The following REG4 variants were observed in gnomAD, a reference collection of about 807,000 sequenced individuals.
REG4 encodes the protein regenerating islet-derived protein 4.
In REG4, 16 loss-of-function variants were observed where a neutral mutation model predicts 22.3. That is an observed-to-expected ratio of 0.72 (90% CI 0.49 to 1.09). The LOEUF is 1.09. REG4 is among the 50% of genes least tolerant of loss of function. The probability of loss-of-function intolerance (pLI) is 0.00; values close to 1 mark genes in which losing one functional copy is unlikely to be tolerated. For missense variants in REG4, 214 were observed against 193.9 expected, an observed-to-expected ratio of 1.10 and a Z score of -0.61; for synonymous variants, 71 against 69.2, an observed-to-expected ratio of 1.03 and a Z score of -0.13.
At chr1:119,810,777 G>T (rs587741410) in intron 1 of REG4, among the ~76,000 whole-genome samples, 1 of 152,226 alleles carries the variant, frequency 6.6e-6, no homozygotes, top group Non-Finnish European at 1.5e-5. Flanking sequence ...ACTGGGCCGG[G>T]TGTGGTGGCT....
chr1:119,799,655 G>T, intron 4 of REG4, 70 bp downstream of exon 4: 1 of 1,572,670 alleles, frequency 6.4e-7, no homozygotes, highest in African/African-American at 1.3e-5. Flanking sequence ...AGGCCGGGAG[G>T]CCATTCCCCA....
chr1:119,802,914 A>G, intron 3 of REG4, 154 bp downstream of exon 3: 2 of 1,557,376 alleles, frequency 1.3e-6, no homozygotes, highest in Non-Finnish European at 1.7e-6. Context: ...AATGAGTTGA[A>G]CACACAACCC....
chr1:119,794,616 C>T lies in REG4; in HGVS notation c.*2G>A. 6 of 1,613,630 alleles carry T rather than the reference C, an allele frequency of 3.7e-6. No homozygotes were observed. Among genetic ancestry groups the T allele is most frequent in the Non-Finnish European group, 5.1e-6 (6 of 1,179,536 alleles). ...GGAGTTAGCAGAATCTTGATTCTTGCTCTATGGTCGGTACTTGCACAGGAA... is the reference window on the plus strand; with the variant it reads ...GGAGTTAGCAGAATCTTGATTCTTGTTCTATGGTCGGTACTTGCACAGGAA... On this transcript the variant is annotated 3_prime_UTR_variant, in exon 6 of 6. Transcript: ENST00000256585.
chr1:119,805,498 C>T (rs1391136851), intron 2 of REG4, among the ~76,000 whole-genome samples: 3 of 152,116 alleles, frequency 2.0e-5, no homozygotes, highest in Non-Finnish European at 2.9e-5. Flanking sequence ...GTCTTTGTTT[C>T]CCCTGGATCC....
At chr1:119,795,624 G>C (rs587688259) in intron 5 of REG4, among the ~76,000 whole-genome samples, 1 of 152,220 alleles carries the variant, frequency 6.6e-6, no homozygotes, top group Admixed American at 6.5e-5. Flanking sequence ...GCCCTGACCT[G>C]CAGATCTGGC....
chr1:119,795,959 A>G (rs1323573470), intron 5 of REG4, among the ~76,000 whole-genome samples: 1 of 152,242 alleles, frequency 6.6e-6, no homozygotes, highest in Non-Finnish European at 1.5e-5. Context: ...AATCAAGCAC[A>G]GCCCAGCTCA....
chr1:119,797,977 C>T (rs368966685), intron 5 of REG4, among the ~76,000 whole-genome samples: 2 of 152,294 alleles, frequency 1.3e-5, no homozygotes, highest in Admixed American at 6.5e-5. Context: ...AGAAGGCTCA[C>T]GCGAGTGTGT....
At position 119,794,554 on chromosome 1, in the gene REG4, GC is replaced by G. The variant is rs1653874819; in HGVS notation, c.*63del. 3 of 1,425,874 alleles carry G rather than the reference GC, an allele frequency of 2.1e-6. No homozygotes were observed. The Admixed American group carries it at 5.0e-5, about 24-fold the overall frequency. The allele number at this position is 1,425,874 out of a possible 1,614,324, so 88.3% of individuals were successfully genotyped here. A position where few individuals can be genotyped will look rare whatever the true frequency, so the allele number is the denominator to read the frequency against. ...CCCTCTGAAATAATGAGCAGATTTA[GC>G]CAGGCTAGCAGAAAGGAAGAGGACG... On this transcript the variant is annotated 3_prime_UTR_variant, in exon 6 of 6. Coordinates refer to ENST00000256585, the MANE Select transcript of REG4 (RefSeq NM_032044.4).
intron 2 of REG4, among the ~76,000 whole-genome samples, chr1:119,805,911 A>G (rs1360462319): frequency 6.6e-6 from 1 of 151,738 alleles, no homozygotes; most frequent in East Asian, 1.9e-4. Flanking sequence ...GCTCCTAGAT[A>G]TGCAACCAAC....
At chr1:119,810,562 C>T (rs587619359) in intron 1 of REG4, among the ~76,000 whole-genome samples, 1 of 152,152 alleles carries the variant, frequency 6.6e-6, no homozygotes, top group Non-Finnish European at 1.5e-5. Flanking sequence ...ATTGCGTGAA[C>T]CTTGCACTTT....
At chr1:119,805,298 T>G (rs941388310) in intron 2 of REG4, among the ~76,000 whole-genome samples, 1 of 152,122 alleles carries the variant, frequency 6.6e-6, no homozygotes, top group Non-Finnish European at 1.5e-5. Context: ...AAACATGCCT[T>G]CCAATGTAAT....
rs1654472486 is a variant in REG4, at chr1:119,810,835, C to T, written c.-95+574G>A. Among the ~76,000 whole-genome samples the T allele has an allele frequency of 1.3e-5, 2 of 152,020 alleles. 1 individual carries two copies. The highest frequency in any genetic ancestry group is 4.2e-4 in the South Asian group (2 of 4,812). On this transcript the variant is annotated intron_variant, in intron 1 of 5. Transcript: ENST00000256585. The stretch of plus-strand genomic sequence containing the variant: ...TGAGAGGCTGAGGCAGGTGGATCAC[C>T]TGAGGTCAGGAGTTCAAGACCAGCC...
intron 2 of REG4, among the ~76,000 whole-genome samples, chr1:119,806,188 C>T (rs769990091): frequency 8.5e-5 from 13 of 152,108 alleles, no homozygotes; most frequent in East Asian, 1.9e-4. Context: ...GTGATCTACC[C>T]GCCTTGGTGT....
At chr1:119,807,598 AGG>A (rs1654361939) in intron 2 of REG4, among the ~76,000 whole-genome samples, 1 of 151,162 alleles carries the variant, frequency 6.6e-6, no homozygotes, top group East Asian at 1.9e-4. Context: ...GCTCTGCAGG[AGG>A]GGCTCAAGAG....
At chr1:119,794,817 C>A in intron 5 of REG4, 132 bp from the exon 6 acceptor site, 1 of 775,944 alleles carries the variant, frequency 1.3e-6, no homozygotes, top group South Asian at 1.5e-5. Context: ...CTTAGCTAGA[C>A]TATGATGTAC....
rs147308056 is a variant in REG4 at position 119,794,409 on chromosome 1, G to A, written c.*209C>T. The stretch of plus-strand genomic sequence containing the variant: ...AGGGAAGAAGGATACTGTGGAAAGG[G>A]ATGGCGGGGCAAACATTTAGAGCTA... On this transcript the variant is annotated 3_prime_UTR_variant, in exon 6 of 6. Coordinates refer to ENST00000256585, the MANE Select transcript of REG4 (RefSeq NM_032044.4). 1.6e-5 allele frequency: 10 copies of A among 635,530 alleles called. No individual in the cohort carries two copies. The East Asian group carries it at 2.7e-4, about 17-fold the overall frequency. The allele number at this position is 635,530 out of a possible 1,614,324, so 39.4% of individuals were successfully genotyped here.
chr1:119,802,854 C>T (rs1227365528), intron 3 of REG4: 12 of 1,544,066 alleles, frequency 7.8e-6, no homozygotes, highest in Non-Finnish European at 1.1e-5. Context: ...GCTTGTAGCC[C>T]ATCTAGGGTC....
At chr1:119,794,813 T>A in intron 5 of REG4, 128 bp from the exon 6 acceptor site, 1 of 798,562 alleles carries the variant, frequency 1.3e-6, no homozygotes, top group Non-Finnish European at 2.2e-6. Flanking sequence ...TCAACTTAGC[T>A]AGACTATGAT....
intron 2 of REG4, among the ~76,000 whole-genome samples, chr1:119,805,152 C>T (rs60783098): frequency 0.028 from 4,323 of 152,218 alleles, 240 homozygotes; most frequent in African/African-American, 0.099. Context: ...ATTGGGCTGC[C>T]TTGATTATTT....
Sources: allele counts gnomAD v4.1 joint callset (sites outside exome capture counted in the v4.1 genomes callset), GRCh38; gene constraint gnomAD v4.1.1; transcripts MANE v1.5; gene names NCBI Gene and HGNC (gene_info 2026-07-23, HGNC 2026-07-21).